PREP: variants seen among roughly 807,000 people sequenced by gnomAD.
PREP encodes dJ355L5.1 (prolyl endopeptidase).
Under a neutral mutation model 87.6 loss-of-function variants are expected in PREP, and 29 were observed. The ratio of observed to expected loss-of-function variants is 0.33; its 90% CI spans 0.25 to 0.45. The LOEUF (loss-of-function observed/expected upper bound fraction) is 0.45. PREP is among the 20% of genes least tolerant of loss of function. The pLI is 1.00. For synonymous variants in PREP, 337 were observed against 328.6 expected (o/e 1.03, Z -0.28); for missense variants, 695 against 886.5 (o/e 0.78, Z 2.74).
chr6:105,333,303 T>C lies in PREP; in HGVS notation c.1015+11A>G, dbSNP rs780427566. 9.9e-6 allele frequency: 16 copies of C among 1,609,758 alleles called. No homozygotes were observed. Among genetic ancestry groups the C allele is most frequent in the South Asian group, 5.5e-5 (5 of 90,950 alleles). Reference sequence around the variant, plus strand: ...ACAAGAGCACAATTTTCAAGTCACATGTGTTCTCACCTAAGACATCTTTCT... The same window carrying C: ...ACAAGAGCACAATTTTCAAGTCACACGTGTTCTCACCTAAGACATCTTTCT... On this transcript the variant is annotated intron_variant, in intron 8 of 14. Coordinates refer to ENST00000652536, the MANE Select transcript of PREP (RefSeq NM_002726.5).
intron 10 of PREP, among the ~76,000 whole-genome samples, chr6:105,294,744 A>G (rs960482549): frequency 2.0e-5 from 3 of 152,240 alleles, no homozygotes; most frequent in Non-Finnish European, 4.4e-5. Context: ...TCTTCTGCAA[A>G]GAACTAGGAC....
chr6:105,352,596 C>G (rs1771989612), intron 7 of PREP, among the ~76,000 whole-genome samples: 1 of 152,200 alleles, frequency 6.6e-6, no homozygotes, highest in South Asian at 2.1e-4. Context: ...AGCTGTCTTC[C>G]TGCCTCAGCC....
rs1770242522 is a variant in PREP at position 105,288,876 on chromosome 6, C to A, written c.1336G>T (p.Asp446Tyr). 1 of 1,612,810 alleles carries A rather than the reference C, an allele frequency of 6.2e-7. No homozygotes were observed. Among genetic ancestry groups the A allele is most frequent in the Admixed American group, 1.7e-5 (1 of 59,992 alleles). Residue 446 changes from aspartate (D) to tyrosine (Y), a missense_variant, in exon 11 of 15, where the codon GAT becomes TAT. Coordinates refer to ENST00000652536, the MANE Select transcript of PREP (RefSeq NM_002726.5). ...QTVQIFYPSKDGTKIPMFIVH... is the reference protein window; with the variant it reads ...QTVQIFYPSKYGTKIPMFIVH... ...ATGAACATTGGAATCTTCGTACCAT[C>A]CTTGCTAGGGTAGAAAATCTAGAAT... is the stretch of plus-strand genomic sequence containing the variant.
intron 2 of PREP, among the ~76,000 whole-genome samples, chr6:105,378,540 G>T (rs1433768958): frequency 6.6e-6 from 1 of 152,188 alleles, no homozygotes; most frequent in South Asian, 2.1e-4. Flanking sequence ...AGAAAGGCAA[G>T]AGATGGCCAT....
chr6:105,283,750 A>G (rs2114612115), intron 12 of PREP, among the ~76,000 whole-genome samples: 1 of 152,324 alleles, frequency 6.6e-6, no homozygotes, highest in Non-Finnish European at 1.5e-5. Flanking sequence ...AATTTTGAGG[A>G]AGTTTATAAA....
intron 5 of PREP, among the ~76,000 whole-genome samples, chr6:105,372,778 T>C (rs1772592783): frequency 6.6e-6 from 1 of 152,254 alleles, no homozygotes; most frequent in Non-Finnish European, 1.5e-5. Flanking sequence ...ACCTTCTCCA[T>C]AATCTCCTTA....
intron 7 of PREP, among the ~76,000 whole-genome samples, chr6:105,338,438 G>T (rs6925752): frequency 6.6e-6 from 1 of 152,282 alleles, no homozygotes; most frequent in South Asian, 2.1e-4. Flanking sequence ...CAAGACAGCC[G>T]AATAGGAACA....
In PREP at chr6:105,389,795, C is replaced by G. The variant is rs560614777; in HGVS notation, c.120+8058G>C. On this transcript the variant is annotated intron_variant, in intron 2 of 14. Coordinates refer to ENST00000652536, the MANE Select transcript of PREP (RefSeq NM_002726.5). ...GGCTAGGGAAAGCACATGATCCAGG[C>G]AGTCCTAGGCTAGACCGACACCGAA... Among the ~76,000 whole-genome samples the G allele has an allele frequency of 2.0e-3, 303 of 152,230 alleles. 1 individual carries two copies. The highest frequency in any genetic ancestry group is 2.3e-3 in the Non-Finnish European group (156 of 68,010).
chr6:105,401,109 C>A (rs775334110), intron 1 of PREP, among the ~76,000 whole-genome samples: 9 of 152,156 alleles, frequency 5.9e-5, no homozygotes, highest in Non-Finnish European at 1.3e-4. Flanking sequence ...GTATTAAAAT[C>A]CACAGTATAC....
chr6:105,354,896 T>G (rs1772052419), intron 6 of PREP, among the ~76,000 whole-genome samples: 1 of 152,172 alleles, frequency 6.6e-6, no homozygotes, highest in Admixed American at 6.5e-5. Context: ...CAATAAACAC[T>G]TGCTAAGCAG....
At chr6:105,299,762 T>A (rs1004925455) in intron 10 of PREP, among the ~76,000 whole-genome samples, 1 of 152,206 alleles carries the variant, frequency 6.6e-6, no homozygotes, top group Non-Finnish European at 1.5e-5. Context: ...TTATACAAAA[T>A]GTTGAAAGTG....
intron 6 of PREP, among the ~76,000 whole-genome samples, chr6:105,354,811 T>A (rs1193462105): frequency 6.6e-6 from 1 of 151,988 alleles, no homozygotes; most frequent in East Asian, 1.9e-4. Context: ...TATATATACA[T>A]ACATACACAC....
intron 10 of PREP, among the ~76,000 whole-genome samples, chr6:105,321,567 A>G (rs1039306156): frequency 2.0e-5 from 3 of 152,194 alleles, no homozygotes; most frequent in Admixed American, 1.3e-4. Context: ...AAAACAATAT[A>G]TATTAGGTGG....
chr6:105,367,500 C>T (rs1437054016), intron 6 of PREP, among the ~76,000 whole-genome samples: 7 of 151,914 alleles, frequency 4.6e-5, no homozygotes, highest in South Asian at 2.1e-4. Flanking sequence ...GGTGAAACCC[C>T]GTCTCTACTA....
intron 10 of PREP, among the ~76,000 whole-genome samples, chr6:105,305,952 G>C (rs537403657): frequency 1.3e-5 from 2 of 151,494 alleles, no homozygotes; most frequent in African/African-American, 4.8e-5. Flanking sequence ...AGGGATCCTT[G>C]TGCCTCCGTC....
chr6:105,362,710 G>C (rs1179998969), intron 6 of PREP, among the ~76,000 whole-genome samples: 2 of 152,154 alleles, frequency 1.3e-5, no homozygotes, highest in Non-Finnish European at 1.5e-5. Flanking sequence ...TTATCAGCAC[G>C]GTGAATATTA....
intron 7 of PREP, among the ~76,000 whole-genome samples, chr6:105,341,560 A>C (rs1771649296): frequency 1.3e-5 from 2 of 152,232 alleles, no homozygotes; most frequent in African/African-American, 4.8e-5. Context: ...AAGGAGATAG[A>C]GACACAAAAA....
At position 105,274,765 on chromosome 6, in the gene PREP, T is replaced by C. The variant is rs1352427610; in HGVS notation, c.*3379A>G. 6.6e-6 allele frequency among the ~76,000 whole-genome samples: 1 copy of C among 151,976 alleles called. No individual in the cohort carries two copies. The highest frequency in any genetic ancestry group is 1.9e-4 in the East Asian group (1 of 5,150). On this transcript the variant is annotated 3_prime_UTR_variant, in exon 15 of 15. Transcript: ENST00000652536. ...CCTGGGCCGTAACAGCAAAACTCCATCCCAAAAAAAGAGTGCAGTATCCAA... is the reference window on the plus strand; with the variant it reads ...CCTGGGCCGTAACAGCAAAACTCCACCCCAAAAAAAGAGTGCAGTATCCAA...
intron 14 of PREP, among the ~76,000 whole-genome samples, chr6:105,279,613 C>G (rs113626860): frequency 4.9e-4 from 75 of 152,326 alleles, no homozygotes; most frequent in African/African-American, 1.7e-3. Flanking sequence ...CTGGATGGTG[C>G]TCCATGAGGC....
Sources: gnomAD v4.1 joint callset for allele counts (sites outside exome capture counted in the v4.1 genomes callset) on GRCh38, gnomAD v4.1.1 for gene constraint, MANE v1.5 for transcripts, NCBI Gene and HGNC (gene_info 2026-07-23, HGNC 2026-07-21) for gene names.